AFF3: variants seen among roughly 807,000 people sequenced by gnomAD.
AFF3 encodes ALF transcription elongation factor 3.
AFF3 carries 32 observed loss-of-function variants against 129.7 expected under a neutral mutation model. The observed-to-expected ratio is 0.25, with a 90% CI of 0.19 to 0.33. The LOEUF (loss-of-function observed/expected upper bound fraction) is 0.33, where lower values mean the gene tolerates loss of function less well. AFF3 is among the 10% of genes least tolerant of loss of function. The pLI, the probability that AFF3 is intolerant of heterozygous loss-of-function variation, is 1.00. For missense variants in AFF3, 1,373 were observed against 1,592.0 expected, an observed-to-expected ratio of 0.86 and a Z score of 2.34; for synonymous variants, 644 against 635.4, an observed-to-expected ratio of 1.01 and a Z score of -0.20.
intron 8 of AFF3, among the ~76,000 whole-genome samples, chr2:99,783,416 C>T (rs938575550): frequency 1.3e-5 from 2 of 152,202 alleles, no homozygotes; most frequent in African/African-American, 4.8e-5. Flanking sequence ...GTAAATTCTG[C>T]ATTTGGGTAC....
At chr2:100,131,084 C>G (rs1406907718) in intron 1 of AFF3, among the ~76,000 whole-genome samples, 1 of 152,194 alleles carries the variant, frequency 6.6e-6, no homozygotes, top group Non-Finnish European at 1.5e-5. Context: ...ACTCAACTTT[C>G]CAGCCACTGC....
intron 17 of AFF3, among the ~76,000 whole-genome samples, chr2:99,578,791 C>A (rs1353350949): frequency 6.6e-6 from 1 of 152,190 alleles, no homozygotes; most frequent in Non-Finnish European, 1.5e-5. Flanking sequence ...TAGATGCCCA[C>A]TTTTCCCAGT....
intron 10 of AFF3, among the ~76,000 whole-genome samples, chr2:99,738,573 A>G (rs1192272005): frequency 6.6e-6 from 1 of 151,818 alleles, no homozygotes. Context: ...TTCCTTTGGG[A>G]CTAGTCTTTC....
intron 7 of AFF3, among the ~76,000 whole-genome samples, chr2:99,989,042 A>G (rs1313892637): frequency 6.6e-6 from 1 of 152,214 alleles, no homozygotes; most frequent in East Asian, 1.9e-4. Flanking sequence ...GAATGATGGG[A>G]GCAAACCAAA....
At chr2:99,655,881 GT>G (rs1485514256) in intron 12 of AFF3, among the ~76,000 whole-genome samples, 2 of 152,236 alleles carry the variant, frequency 1.3e-5, no homozygotes, top group African/African-American at 4.8e-5. Flanking sequence ...CATGGTAGTA[GT>G]GAAGATGGAG....
chr2:99,978,826 T>C (rs62149301), intron 7 of AFF3, among the ~76,000 whole-genome samples: 14,436 of 152,250 alleles, frequency 0.095, 947 homozygotes, highest in Non-Finnish European at 0.13. Flanking sequence ...GGGCAGGCCC[T>C]CACCAGATAA....
intron 12 of AFF3, among the ~76,000 whole-genome samples, chr2:99,663,165 G>A (rs1340111199): frequency 6.6e-6 from 1 of 152,144 alleles, no homozygotes; most frequent in East Asian, 1.9e-4. Flanking sequence ...TTATGCAATT[G>A]TCATATTAAA....
chr2:100,121,732 A>G (rs1374800994), intron 2 of AFF3, among the ~76,000 whole-genome samples: 4 of 152,216 alleles, frequency 2.6e-5, no homozygotes, highest in Non-Finnish European at 5.9e-5. Context: ...TGATAAAAAA[A>G]GATGGCAGAT....
At chr2:99,867,000 T>TAATAAA (rs1200016392) in intron 7 of AFF3, among the ~76,000 whole-genome samples, 1 of 119,002 alleles carries the variant, frequency 8.4e-6, no homozygotes, top group East Asian at 2.4e-4. Context: ...ATAATAATAA[T>TAATAAA]AAAAAATAAA....
At chr2:99,894,726 C>T (rs1226080147) in intron 7 of AFF3, among the ~76,000 whole-genome samples, 2 of 152,064 alleles carry the variant, frequency 1.3e-5, no homozygotes, top group Non-Finnish European at 1.5e-5. Flanking sequence ...CCGCCTACCT[C>T]GGCCTCCCAA....
At chr2:99,925,451 G>A (rs1326415605) in intron 7 of AFF3, among the ~76,000 whole-genome samples, 1 of 152,056 alleles carries the variant, frequency 6.6e-6, no homozygotes, top group Non-Finnish European at 1.5e-5. Context: ...AATTACTCTT[G>A]AGCTCTTTGA....
chr2:100,076,109 A>G (rs905658892), intron 4 of AFF3, among the ~76,000 whole-genome samples: 12 of 152,338 alleles, frequency 7.9e-5, no homozygotes, highest in Middle Eastern at 3.4e-3. Flanking sequence ...GATGACATGA[A>G]TGTCTACGTC....
At chr2:99,560,322 T>G in intron 21 of AFF3, 43 bp downstream of exon 21, 1 of 1,600,430 alleles carries the variant, frequency 6.2e-7, no homozygotes, top group Non-Finnish European at 8.6e-7. Context: ...AATGATGGCA[T>G]GCGAGGCTGG....
chr2:99,771,069 T>C (rs549543514), intron 8 of AFF3, among the ~76,000 whole-genome samples: 1 of 152,270 alleles, frequency 6.6e-6, no homozygotes, highest in South Asian at 2.1e-4. Context: ...CACAGAATAC[T>C]ACGCAACCAT....
chr2:100,011,600 C>A, intron 4 of AFF3: 1 of 780,592 alleles, frequency 1.3e-6, no homozygotes, highest in Non-Finnish European at 2.4e-6. Flanking sequence ...CCACAAGAAG[C>A]TGAAACACTT....
intron 4 of AFF3, among the ~76,000 whole-genome samples, chr2:100,020,134 T>C (rs1683465323): frequency 1.3e-5 from 2 of 152,152 alleles, no homozygotes; most frequent in Non-Finnish European, 2.9e-5. Flanking sequence ...CTGGTTCTCC[T>C]GTTCACGGCC....
In AFF3 at chr2:99,677,702, G is replaced by A. The variant is rs537921079; in HGVS notation, c.1092-5113C>T. On this transcript the variant is annotated intron_variant, in intron 11 of 24. Coordinates refer to ENST00000672756, the MANE Select transcript of AFF3 (RefSeq NM_001386135.1). Reference sequence around the variant, plus strand: ...TAAAGAGGGAGCCAAAGATAAACAGGCCCATTTGCAGTTTGCCGAGCACTA... The same window carrying A: ...TAAAGAGGGAGCCAAAGATAAACAGACCCATTTGCAGTTTGCCGAGCACTA... Among the ~76,000 whole-genome samples, 35 of 152,282 alleles carry A rather than the reference G, an allele frequency of 2.3e-4. No homozygotes were observed. In the South Asian group the frequency reaches 5.8e-3, roughly 25 times the overall value.
chr2:99,772,702 A>C (rs1303305541), intron 8 of AFF3, among the ~76,000 whole-genome samples: 1 of 152,164 alleles, frequency 6.6e-6, no homozygotes, highest in Non-Finnish European at 1.5e-5. Flanking sequence ...ACCATGACTT[A>C]ATTCTCAAAT....
intron 8 of AFF3, among the ~76,000 whole-genome samples, chr2:99,768,844 C>T (rs980069140): frequency 5.3e-5 from 8 of 152,154 alleles, no homozygotes; most frequent in African/African-American, 9.6e-5. Context: ...GCAAGGTTTC[C>T]GCTGAAAAGT....
Sources: allele counts gnomAD v4.1 joint callset (sites outside exome capture counted in the v4.1 genomes callset), GRCh38; gene constraint gnomAD v4.1.1; transcripts MANE v1.5; gene names NCBI Gene and HGNC (gene_info 2026-07-23, HGNC 2026-07-21).